The following MT3 variants were observed in gnomAD, a reference collection of about 807,000 sequenced individuals.
MT3 encodes metallothionein 3.
A neutral mutation model predicts 10.9 loss-of-function variants in MT3; 8 were observed. The ratio of observed to expected loss-of-function variants is 0.73; its 90% confidence interval spans 0.43 to 1.33. The LOEUF is 1.33. Among genes scored for constraint, MT3 ranks in the 40% most tolerant of loss-of-function variants. The pLI, the probability that MT3 is intolerant of heterozygous loss-of-function variation, is 0.01. For missense variants in MT3, 75 were observed against 83.9 expected, an observed-to-expected ratio of 0.89 and a Z score of 0.41; for synonymous variants, 32 against 29.9, an observed-to-expected ratio of 1.07 and a Z score of -0.23.
At chr16:56,590,770 C>G in intron 2 of MT3, 70 bp from the exon 3 acceptor site, 1 of 1,490,514 alleles carries the variant, frequency 6.7e-7, no homozygotes, top group Non-Finnish European at 9.2e-7. Context: ...AGCACCCTTC[C>G]CTCCCCTTTG....
At position 56,589,941 on chromosome 16, in the gene MT3, T is replaced by C. The variant is rs537224133; in HGVS notation, c.97+6T>C. The C allele has an allele frequency of 1.9e-6, 3 of 1,613,788 alleles. No homozygotes were observed. The highest frequency in any genetic ancestry group is 3.3e-5 in the Admixed American group (2 of 60,008). ...ATGCACCTCCTGCAAGAAGAGTGAG[T>C]GCGGGGACCCTTCCCCTCTGCCGCC... On this transcript the variant is annotated splice_donor_region_variant and intron_variant, in intron 2 of 2. Transcript: ENST00000200691.
intron 2 of MT3, 174 bp from the exon 3 acceptor site, chr16:56,590,666 T>G: frequency 1.6e-6 from 1 of 630,886 alleles, no homozygotes; most frequent in Non-Finnish European, 2.8e-6. Context: ...AGGATGCCAC[T>G]GCCGCGACAT....
At chr16:56,590,265 G>A in intron 2 of MT3, 1 of 602,136 alleles carries the variant, frequency 1.7e-6, no homozygotes, top group Admixed American at 2.9e-5. Flanking sequence ...GTGAGGCTGC[G>A]GCTCAGCTCT....
rs1959800333 is a variant in MT3 at position 56,589,856 on chromosome 16, G to A, written c.32-14G>A. ...CGTCCACATTAACCCTTCCTGTGGC[G>A]TCGCCCTCTCTAGGTGGCTCCTGCA... On this transcript the variant is annotated splice_polypyrimidine_tract_variant and intron_variant, in intron 1 of 2. Transcript: ENST00000200691. The A allele has an allele frequency of 1.9e-6, 3 of 1,614,008 alleles. No homozygotes were observed. Among genetic ancestry groups the A allele is most frequent in the South Asian group, 1.1e-5 (1 of 91,070 alleles).
chr16:56,590,113 A>G (rs1477213588), intron 2 of MT3, 178 bp downstream of exon 2: 6 of 730,148 alleles, frequency 8.2e-6, no homozygotes, highest in Non-Finnish European at 1.5e-5. Context: ...ACACCCAGGA[A>G]TTGATGGCCT....
At chr16:56,589,688 C>T in intron 1 of MT3, 67 bp downstream of exon 1, 1 of 1,603,664 alleles carries the variant, frequency 6.2e-7, no homozygotes. Context: ...AAACCCACGC[C>T]CTGCGCCTTC....
rs747654895 is a variant in MT3, at chr16:56,590,865, G to A, written c.123G>A (p.Glu41=). ...GCTGCTGCTCCTGCTGCCCTGCGGA[G>A]TGTGAGAAGTGTGCCAAGGACTGTG... is the stretch of plus-strand genomic sequence containing the variant. ...KKSCCSCCPA[E]CEKCAKDCVC... is the part of the protein sequence containing the mutation. Residue 41 remains glutamate (E), a synonymous_variant, in exon 3 of 3, where the codon GAG becomes GAA. Coordinates refer to ENST00000200691, the MANE Select transcript of MT3 (RefSeq NM_005954.4). 8 of 1,613,952 alleles carry A rather than the reference G, an allele frequency of 5.0e-6. No individual in the cohort carries two copies. The highest frequency in any genetic ancestry group is 2.7e-5 in the African/African-American group (2 of 74,946).
chr16:56,590,243 G>T (rs1434885554), intron 2 of MT3: 11 of 605,738 alleles, frequency 1.8e-5, no homozygotes, highest in Non-Finnish European at 3.0e-5. Context: ...CCAAAACCTG[G>T]GGAAGCCATT....
At chr16:56,590,327 A>G in intron 2 of MT3, 1 of 584,516 alleles carries the variant, frequency 1.7e-6, no homozygotes, top group East Asian at 2.8e-5. Flanking sequence ...TCTCAGTTTG[A>G]TCTCAAAATC....
At chr16:56,589,711 T>C (rs1959798316) in intron 1 of MT3, 90 bp downstream of exon 1, 3 of 1,597,446 alleles carry the variant, frequency 1.9e-6, no homozygotes, top group Non-Finnish European at 1.7e-6. Context: ...TCAAGGACAC[T>C]TGGGGGAAGG....
rs1419466472 is a variant in MT3 at position 56,589,528 on chromosome 16, A to C, written c.-63A>C. 6.6e-7 allele frequency: 1 copy of C among 1,514,644 alleles called. No homozygotes were observed. The highest frequency in any genetic ancestry group is 1.3e-5 in the South Asian group (1 of 76,470). 93.8% of individuals were successfully genotyped at this position (1,514,644 alleles called of 1,614,324 possible). ...GCATCGCCACCTGCTGCCACTAGCC[A>C]AGCCGCGCGTCCAGTTGCTTGGAGA... On this transcript the variant is annotated 5_prime_UTR_variant, in exon 1 of 3. Coordinates refer to ENST00000200691, the MANE Select transcript of MT3 (RefSeq NM_005954.4).
intron 2 of MT3, chr16:56,590,323 T>A (rs781181356): frequency 1.7e-6 from 1 of 587,568 alleles, no homozygotes; most frequent in Non-Finnish European, 3.0e-6. Context: ...ATCCTCTCAG[T>A]TTGATCTCAA....
At chr16:56,590,749 A>T (rs1959811861) in intron 2 of MT3, 91 bp from the exon 3 acceptor site, 1 of 1,275,732 alleles carries the variant, frequency 7.8e-7, no homozygotes, top group Admixed American at 2.0e-5. Flanking sequence ...AACCAGGATG[A>T]CTCCCCACCC....
chr16:56,590,169 G>A (rs1456313037), intron 2 of MT3: 3 of 670,414 alleles, frequency 4.5e-6, no homozygotes, highest in African/African-American at 3.5e-5. Flanking sequence ...AGACTCCAAT[G>A]GCAGCTGGGA....
chr16:56,590,020 G>A, intron 2 of MT3, 85 bp downstream of exon 2: 3 of 1,435,846 alleles, frequency 2.1e-6, no homozygotes, highest in Non-Finnish European at 2.0e-6. Context: ...TGGAGAGACA[G>A]CCAGGCCCCG....
chr16:56,590,821 T>C lies in MT3; in HGVS notation c.98-19T>C, dbSNP rs1434473745. On this transcript the variant is annotated intron_variant, in intron 2 of 2. Transcript: ENST00000200691. ...GGGAGTGTGCATCAGAGAGTGGTCA[T>C]CTTCCATTTTATCTGCAGGCTGCTG... 6.2e-7 allele frequency: 1 copy of C among 1,610,008 alleles called. No homozygotes were observed. The highest frequency in any genetic ancestry group is 2.2e-5 in the East Asian group (1 of 44,788).
chr16:56,590,719 C>G, intron 2 of MT3, 121 bp from the exon 3 acceptor site: 1 of 925,648 alleles, frequency 1.1e-6, no homozygotes, highest in South Asian at 1.6e-5. Context: ...AAGGGGGCTG[C>G]GACTAGCCCT....
chr16:56,591,036 C>G lies in MT3; in HGVS notation c.*87C>G. 9.2e-7 allele frequency: 1 copy of G among 1,087,176 alleles called. No homozygotes were observed. The highest frequency in any genetic ancestry group is 1.4e-6 in the Non-Finnish European group (1 of 725,768). 67.3% of individuals were successfully genotyped at this position (1,087,176 alleles called of 1,614,324 possible). A position where few individuals can be genotyped will look rare whatever the true frequency, so the allele number is the denominator to read the frequency against. On this transcript the variant is annotated 3_prime_UTR_variant, in exon 3 of 3. Transcript: ENST00000200691. ...CCTGTGGTGAAGTGTGGCTGGTGTC[C>G]CCTTCCCCTGCTGACCTTGGAGGAA...
At chr16:56,589,838 A>G in intron 1 of MT3, 32 bp from the exon 2 acceptor site, 1 of 1,613,688 alleles carries the variant, frequency 6.2e-7, no homozygotes, top group Non-Finnish European at 8.5e-7. Context: ...GTTCGTCCAC[A>G]TTAACCCTTC....
Sources: gnomAD v4.1 joint callset for allele counts on GRCh38, gnomAD v4.1.1 for gene constraint, MANE v1.5 for transcripts, NCBI Gene and HGNC (gene_info 2026-07-23, HGNC 2026-07-21) for gene names.